NRXN1: variants seen among roughly 807,000 people sequenced by gnomAD.
NRXN1 encodes the protein neurexin 1, also known as neurexin-1.
NRXN1 carries 39 observed loss-of-function variants against 150.9 expected under a neutral mutation model. That is an observed-to-expected ratio of 0.26 (90% CI 0.20 to 0.34). The LOEUF is 0.34. NRXN1 is among the 10% of genes least tolerant of loss of function. The pLI, the probability that NRXN1 is intolerant of heterozygous loss-of-function variation, is 1.00. For synonymous variants in NRXN1, 924 were observed against 757.0 expected (o/e 1.22, Z -3.62); for missense variants, 1,815 against 1,949.9 (o/e 0.93, Z 1.30).
chr2:50,133,046 G>C (rs146686272), intron 18 of NRXN1, among the ~76,000 whole-genome samples: 10 of 152,270 alleles, frequency 6.6e-5, no homozygotes, highest in African/African-American at 2.4e-4. Flanking sequence ...AAGTGCAAGG[G>C]AGGTGGTGAG....
chr2:50,949,558 T>G (rs1690959812), intron 2 of NRXN1, among the ~76,000 whole-genome samples: 1 of 152,062 alleles, frequency 6.6e-6, no homozygotes, highest in Non-Finnish European at 1.5e-5. Flanking sequence ...TCATTCTCAC[T>G]CTCATTCTTC....
At chr2:50,573,024 T>C (rs1670878712) in intron 8 of NRXN1, among the ~76,000 whole-genome samples, 1 of 152,184 alleles carries the variant, frequency 6.6e-6, no homozygotes. Context: ...AATTGGATAA[T>C]ATGCAATGTA....
rs947221330 is a variant in NRXN1 at position 50,237,377 on chromosome 2, C to A, written c.3365-407G>T. On this transcript the variant is annotated intron_variant, in intron 17 of 22. Transcript: ENST00000401669. Reference sequence around the variant, plus strand: ...TTGGTATTGAAATAGGAGCTGCATGCAGATGTGACAGGGTCATACAGCACA... The same window carrying A: ...TTGGTATTGAAATAGGAGCTGCATGAAGATGTGACAGGGTCATACAGCACA... 5.9e-5 allele frequency among the ~76,000 whole-genome samples: 9 copies of A among 152,120 alleles called. No homozygotes were observed. The East Asian group carries it at 1.7e-3, about 30-fold the overall frequency.
intron 21 of NRXN1, among the ~76,000 whole-genome samples, chr2:50,013,449 T>C (rs1686045154): frequency 6.6e-6 from 1 of 152,038 alleles, no homozygotes; most frequent in African/African-American, 2.4e-5. Flanking sequence ...GTACCCAGAG[T>C]AAAAGAATTG....
chr2:50,734,807 T>G (rs750149313), intron 5 of NRXN1, among the ~76,000 whole-genome samples: 2 of 151,870 alleles, frequency 1.3e-5, no homozygotes, highest in Non-Finnish European at 2.9e-5. Context: ...TTTTAAAGTA[T>G]GCAGAGCATA....
intron 18 of NRXN1, among the ~76,000 whole-genome samples, chr2:50,226,363 T>C (rs1223951790): frequency 5.9e-5 from 9 of 152,018 alleles, no homozygotes; most frequent in African/African-American, 1.7e-4. Flanking sequence ...CTGTGGCTAA[T>C]GTGCCAGTAG....
At chr2:50,270,678 T>C (rs1332060399) in intron 17 of NRXN1, among the ~76,000 whole-genome samples, 1 of 151,784 alleles carries the variant, frequency 6.6e-6, no homozygotes, top group Non-Finnish European at 1.5e-5. Context: ...ATATAGTTTT[T>C]TTTTTTTTTT....
intron 5 of NRXN1, among the ~76,000 whole-genome samples, chr2:50,732,792 A>G (rs1313483446): frequency 6.6e-6 from 1 of 152,098 alleles, no homozygotes; most frequent in Non-Finnish European, 1.5e-5. Flanking sequence ...CTGCTTTTAT[A>G]TCTATAGCAT....
intron 2 of NRXN1, among the ~76,000 whole-genome samples, chr2:51,004,083 C>A (rs1430583825): frequency 6.7e-6 from 1 of 149,714 alleles, no homozygotes; most frequent in Non-Finnish European, 1.5e-5. Flanking sequence ...AAAAAAAAAA[C>A]TTAGAAGACA....
chr2:50,738,689 T>C (rs1004637042), intron 5 of NRXN1, among the ~76,000 whole-genome samples: 28 of 152,090 alleles, frequency 1.8e-4, no homozygotes, highest in African/African-American at 6.5e-4. Flanking sequence ...GAGGAGGAAA[T>C]GTTTCAATAA....
At chr2:50,826,107 G>A (rs1376842733) in intron 5 of NRXN1, among the ~76,000 whole-genome samples, 1 of 152,182 alleles carries the variant, frequency 6.6e-6, no homozygotes, top group African/African-American at 2.4e-5. Context: ...GATTGGAGCT[G>A]TAAAGAAACC....
At chr2:50,472,533 A>G (rs1464437020) in intron 15 of NRXN1, 62 bp from the exon 16 acceptor site, 2 of 1,322,336 alleles carry the variant, frequency 1.5e-6, no homozygotes, top group Admixed American at 2.2e-5. Flanking sequence ...AACACACAGT[A>G]GGATGGAGAA....
intron 5 of NRXN1, among the ~76,000 whole-genome samples, chr2:50,737,411 T>A (rs1463776361): frequency 3.3e-5 from 5 of 152,180 alleles, no homozygotes; most frequent in African/African-American, 4.8e-5. Context: ...CTCCAGATAC[T>A]CTATGGGACA....
chr2:49,984,246 A>T (rs1680521275), intron 21 of NRXN1, among the ~76,000 whole-genome samples: 1 of 152,170 alleles, frequency 6.6e-6, no homozygotes, highest in Non-Finnish European at 1.5e-5. Flanking sequence ...AAAGATAAGT[A>T]ATCTAACACA....
At chr2:50,251,741 G>A (rs1248864567) in intron 17 of NRXN1, among the ~76,000 whole-genome samples, 1 of 152,172 alleles carries the variant, frequency 6.6e-6, no homozygotes, top group Non-Finnish European at 1.5e-5. Flanking sequence ...CTGTGCGATA[G>A]TATACGATTG....
intron 2 of NRXN1, among the ~76,000 whole-genome samples, chr2:50,993,334 T>C (rs1698820745): frequency 6.6e-6 from 1 of 151,920 alleles, no homozygotes; most frequent in East Asian, 1.9e-4. Context: ...CTAGTCTCAG[T>C]GTGCCATACT....
intron 5 of NRXN1, among the ~76,000 whole-genome samples, chr2:50,880,107 G>C (rs1249667053): frequency 2.0e-5 from 3 of 151,958 alleles, no homozygotes; most frequent in African/African-American, 7.2e-5. Flanking sequence ...GGGAACTGCA[G>C]AAACATTTGC....
At chr2:50,116,193 G>C (rs1231295566) in intron 18 of NRXN1, among the ~76,000 whole-genome samples, 1 of 151,870 alleles carries the variant, frequency 6.6e-6, no homozygotes, top group African/African-American at 2.4e-5. Context: ...ATCTTCCACT[G>C]GCTTATCTAC....
chr2:50,356,460 TA>T (rs1431707053), intron 17 of NRXN1, among the ~76,000 whole-genome samples: 9 of 152,200 alleles, frequency 5.9e-5, no homozygotes, highest in African/African-American at 2.2e-4. Flanking sequence ...TTTGAAAAAT[TA>T]TTAATCAATG....
Sources: gnomAD v4.1 joint callset for allele counts (sites outside exome capture counted in the v4.1 genomes callset) on GRCh38, gnomAD v4.1.1 for gene constraint, MANE v1.5 for transcripts, NCBI Gene and HGNC (gene_info 2026-07-23, HGNC 2026-07-21) for gene names.